Variants in CRADD observed in about 807,000 individuals in gnomAD.
CRADD encodes the protein CARD and death domain containing adaptor protein.
Under a neutral mutation model 15.5 loss-of-function variants are expected in CRADD, and 9 were observed. The observed-to-expected ratio is 0.58, with a 90% CI of 0.35 to 1.01. The LOEUF is 1.01. CRADD is among the 50% of genes least tolerant of loss of function. CRADD has a pLI of 0.02. For missense variants in CRADD, 227 were observed against 250.3 expected (o/e 0.91, Z 0.63); for synonymous variants, 118 against 107.6 (o/e 1.10, Z -0.60).
chr12:93,734,041 A>G (rs74929256), intron 2 of CRADD, among the ~76,000 whole-genome samples: 3,149 of 151,846 alleles, frequency 0.021, 86 homozygotes, highest in East Asian at 0.092. Flanking sequence ...TGGCCTGTCC[A>G]TCCTTTTTTC....
At chr12:93,865,783 G>A (rs1446348359) in intron 2 of CRADD, among the ~76,000 whole-genome samples, 2 of 151,568 alleles carry the variant, frequency 1.3e-5, no homozygotes, top group African/African-American at 4.9e-5. Context: ...TTGTTATACT[G>A]TCTTGTTTTT....
intron 2 of CRADD, among the ~76,000 whole-genome samples, chr12:93,825,554 CTG>C (rs1957814535): frequency 6.6e-6 from 1 of 152,172 alleles, no homozygotes; most frequent in African/African-American, 2.4e-5. Flanking sequence ...GTGTTGGAAA[CTG>C]TTTCTAAGCT....
chr12:93,705,088 A>G (rs1428611349), intron 2 of CRADD, among the ~76,000 whole-genome samples: 2 of 152,162 alleles, frequency 1.3e-5, no homozygotes, highest in African/African-American at 4.8e-5. Flanking sequence ...TTGTTACTTG[A>G]CAAGCGAATT....
intron 2 of CRADD, among the ~76,000 whole-genome samples, chr12:93,713,005 A>G (rs1331382678): frequency 6.6e-6 from 1 of 152,078 alleles, no homozygotes; most frequent in Non-Finnish European, 1.5e-5. Flanking sequence ...GGGACCATAG[A>G]GCTGCTCAAA....
chr12:93,853,146 CTT>C (rs900854042), downstream of CRADD, among the ~76,000 whole-genome samples: 1 of 151,994 alleles, frequency 6.6e-6, no homozygotes, highest in Non-Finnish European at 1.5e-5. Flanking sequence ...TGATAATACA[CTT>C]ATTTTTTTTT....
intron 2 of CRADD, among the ~76,000 whole-genome samples, chr12:93,806,901 G>T (rs370794803): frequency 3.9e-5 from 6 of 152,118 alleles, no homozygotes; most frequent in Admixed American, 3.9e-4. Context: ...AAACACTGTG[G>T]TTATTTAAAG....
In CRADD at chr12:93,733,046, C is replaced by G. The variant is rs558696859; in HGVS notation, c.298+53974C>G. 8.5e-5 allele frequency among the ~76,000 whole-genome samples: 13 copies of G among 152,308 alleles called. No homozygotes were observed. The South Asian group carries it at 2.3e-3, about 27-fold the overall frequency. On this transcript the variant is annotated intron_variant, in intron 2 of 2. Transcript: ENST00000332896. ...TTCCCCAAGAAATGGAGTCATAATG[C>G]TGACCTTTTTAGGGGTTGTAAGGAT...
intron 2 of CRADD, among the ~76,000 whole-genome samples, chr12:93,889,681 C>T (rs1297137982): frequency 6.6e-6 from 1 of 152,162 alleles, no homozygotes; most frequent in African/African-American, 2.4e-5. Flanking sequence ...GCCCCAGCTG[C>T]TCAAAGATGC....
chr12:93,706,064 T>C (rs560764979), intron 2 of CRADD, among the ~76,000 whole-genome samples: 4 of 152,230 alleles, frequency 2.6e-5, no homozygotes, highest in African/African-American at 4.8e-5. Context: ...AAAAAATACA[T>C]GTACTCGTAT....
chr12:93,811,360 T>C (rs1252976769), intron 2 of CRADD, among the ~76,000 whole-genome samples: 1 of 152,198 alleles, frequency 6.6e-6, no homozygotes, highest in African/African-American at 2.4e-5. Context: ...GTTTCCAGGC[T>C]GTGTGATAGG....
Position 93,678,476 on chromosome 12 carries a change from CT to C in CRADD, c.-6-282del, listed in dbSNP as rs933440215. Among the ~76,000 whole-genome samples the C allele has an allele frequency of 3.6e-3, 533 of 147,444 alleles. 2 individuals are homozygous for C. The highest frequency in any genetic ancestry group is 0.012 in the African/African-American group (482 of 40,394). On this transcript the variant is annotated intron_variant, in intron 1 of 2. Transcript: ENST00000332896. Reference sequence around the variant, plus strand: ...CTTGTTCAGAAGGGTCTCTGACCCACTTTTTTTTTTTCTTTTTCCAAATTTC... The same window carrying C: ...CTTGTTCAGAAGGGTCTCTGACCCACTTTTTTTTTTCTTTTTCCAAATTTC...
intron 2 of CRADD, among the ~76,000 whole-genome samples, chr12:93,787,305 GTTTTTT>G (rs34146137): frequency 8.0e-6 from 1 of 124,744 alleles, no homozygotes; most frequent in Non-Finnish European, 1.6e-5. Context: ...GTATGACAGG[GTTTTTT>G]TTTTTTTTTT....
intron 2 of CRADD, among the ~76,000 whole-genome samples, chr12:93,861,137 G>T (rs1958316583): frequency 6.6e-6 from 1 of 152,230 alleles, no homozygotes; most frequent in Non-Finnish European, 1.5e-5. Context: ...AAGGGTAGTG[G>T]CTGAGGCCTG....
chr12:93,788,417 A>G (rs1217110795), intron 2 of CRADD, among the ~76,000 whole-genome samples: 2 of 152,236 alleles, frequency 1.3e-5, no homozygotes, highest in Non-Finnish European at 2.9e-5. Context: ...ACAATTCAAG[A>G]TGAGATTTGG....
intron 2 of CRADD, among the ~76,000 whole-genome samples, chr12:93,826,444 A>G (rs1258255918): frequency 6.6e-6 from 1 of 152,200 alleles, no homozygotes; most frequent in East Asian, 1.9e-4. Context: ...TTTTCCTCGG[A>G]GAGATGTCAG....
chr12:93,824,148 A>T lies in CRADD; in HGVS notation c.299-25822A>T, dbSNP rs1418734908. 6.6e-6 allele frequency among the ~76,000 whole-genome samples: 1 copy of T among 151,932 alleles called. No homozygotes were observed. The highest frequency in any genetic ancestry group is 6.6e-5 in the Admixed American group (1 of 15,254). On this transcript the variant is annotated intron_variant, in intron 2 of 2. Transcript: ENST00000332896. The surrounding 1 kb of genome is among the most constrained non-coding windows in gnomAD (Gnocchi z 4.3). ...CTGGAAACTCTCCTTTGAGTCTGTGAGTTTTGGTGTAAGCTCAGTGGCAAT... is the reference window on the plus strand; with the variant it reads ...CTGGAAACTCTCCTTTGAGTCTGTGTGTTTTGGTGTAAGCTCAGTGGCAAT...
At chr12:93,741,433 G>T (rs1021754991) in intron 2 of CRADD, among the ~76,000 whole-genome samples, 4 of 152,108 alleles carry the variant, frequency 2.6e-5, no homozygotes, top group African/African-American at 9.7e-5. Flanking sequence ...CTTTCCTAAA[G>T]GTTATCATGA....
chr12:93,752,599 C>CA (rs1005119819), intron 2 of CRADD, among the ~76,000 whole-genome samples: 1 of 151,910 alleles, frequency 6.6e-6, no homozygotes, highest in Non-Finnish European at 1.5e-5. Context: ...ACAGTTAGAA[C>CA]AAAAAAATAT....
At chr12:93,725,483 A>T (rs1292504096) in intron 2 of CRADD, among the ~76,000 whole-genome samples, 1 of 152,208 alleles carries the variant, frequency 6.6e-6, no homozygotes, top group Non-Finnish European at 1.5e-5. Context: ...AAAGGCCCTC[A>T]TTCCACCCAA....
Sources: gnomAD v4.1 joint callset for allele counts (sites outside exome capture counted in the v4.1 genomes callset) on GRCh38, gnomAD v4.1.1 for gene constraint, Gnocchi (gnomAD v3.1) non-coding constraint, MANE v1.5 for transcripts, NCBI Gene and HGNC (gene_info 2026-07-23, HGNC 2026-07-21) for gene names.